INPP4B: variants seen among roughly 807,000 people sequenced by gnomAD.
INPP4B encodes inositol polyphosphate 4-phosphatase type II.
Under a neutral mutation model 122.5 loss-of-function variants are expected in INPP4B, and 55 were observed. The ratio of observed to expected loss-of-function variants is 0.45; its 90% CI spans 0.36 to 0.56. INPP4B has a LOEUF of 0.56. Among genes scored for constraint, INPP4B ranks in the 20% least tolerant of loss-of-function variants. The pLI, the probability that INPP4B is intolerant of heterozygous loss-of-function variation, is 0.00. For synonymous variants in INPP4B, 403 were observed against 388.7 expected, an observed-to-expected ratio of 1.04 and a Z score of -0.43; for missense variants, 1,000 against 1,097.7, an observed-to-expected ratio of 0.91 and a Z score of 1.26.
At chr4:142,485,779 A>G (rs1297490338) in intron 2 of INPP4B, among the ~76,000 whole-genome samples, 3 of 152,174 alleles carry the variant, frequency 2.0e-5, no homozygotes, top group Non-Finnish European at 4.4e-5. Context: ...ACTGGTAATT[A>G]CACGCATAAA....
intron 7 of INPP4B, among the ~76,000 whole-genome samples, chr4:142,348,982 T>C (rs76920280): frequency 6.6e-6 from 1 of 151,986 alleles, no homozygotes. Flanking sequence ...TTGGAGCAGA[T>C]GTTAGTTTTC....
chr4:142,099,361 C>T (rs763874141), intron 23 of INPP4B, among the ~76,000 whole-genome samples: 10 of 152,088 alleles, frequency 6.6e-5, no homozygotes, highest in Non-Finnish European at 1.0e-4. Context: ...TCAGCCATCT[C>T]GATGTTTCCA....
rs367861786 is a variant in INPP4B, at chr4:142,055,500, T to C, written c.2642+26531A>G. Among the ~76,000 whole-genome samples the C allele has an allele frequency of 1.2e-4, 19 of 152,210 alleles. 1 individual carries two copies. The South Asian group carries it at 3.9e-3, about 32-fold the overall frequency. The stretch of plus-strand genomic sequence containing the variant: ...CTGATTCTTATATGCACTTTAAAAT[T>C]AGATAACTTTCATTACATTCTTAAA... On this transcript the variant is annotated intron_variant, in intron 25 of 25. Coordinates refer to ENST00000262992, the MANE Select transcript of INPP4B (RefSeq NM_001101669.3).
At chr4:142,170,677 A>C (rs561236987) in intron 16 of INPP4B, among the ~76,000 whole-genome samples, 9 of 151,916 alleles carry the variant, frequency 5.9e-5, no homozygotes, top group African/African-American at 2.2e-4. Context: ...AGAGTATCTC[A>C]GAGTTATTAA....
At chr4:142,222,827 G>C (rs969480717) in intron 12 of INPP4B, among the ~76,000 whole-genome samples, 4 of 152,202 alleles carry the variant, frequency 2.6e-5, no homozygotes, top group African/African-American at 9.6e-5. Context: ...TAAGCCAGAG[G>C]ACACTAAAAT....
At chr4:142,066,785 G>C (rs1933072021) in intron 25 of INPP4B, among the ~76,000 whole-genome samples, 1 of 152,232 alleles carries the variant, frequency 6.6e-6, no homozygotes, top group South Asian at 2.1e-4. Flanking sequence ...AGGGGCATCT[G>C]CCATTGCCGA....
chr4:142,299,517 T>C (rs1390388387), intron 9 of INPP4B, among the ~76,000 whole-genome samples: 1 of 148,722 alleles, frequency 6.7e-6, no homozygotes, highest in African/African-American at 2.5e-5. Flanking sequence ...CTTATGAAGT[T>C]TTTAGTTTTT....
At chr4:142,633,737 A>G (rs1399140836) in intron 2 of INPP4B, among the ~76,000 whole-genome samples, 1 of 152,200 alleles carries the variant, frequency 6.6e-6, no homozygotes, top group African/African-American at 2.4e-5. Context: ...AACACATTAG[A>G]GAATATCAAA....
intron 14 of INPP4B, among the ~76,000 whole-genome samples, chr4:142,200,636 T>TA (rs1018522767): frequency 1.3e-5 from 2 of 151,968 alleles, no homozygotes; most frequent in African/African-American, 4.8e-5. Flanking sequence ...AAAAGTAAGT[T>TA]AAAAAATAAA....
chr4:142,691,749 T>G (rs1267842027), intron 2 of INPP4B, among the ~76,000 whole-genome samples: 1 of 152,118 alleles, frequency 6.6e-6, no homozygotes, highest in African/African-American at 2.4e-5. Flanking sequence ...GACCTTGGAC[T>G]GCAGGGTCCC....
chr4:142,064,604 T>G (rs138144459), intron 25 of INPP4B, among the ~76,000 whole-genome samples: 11 of 152,334 alleles, frequency 7.2e-5, no homozygotes, highest in Non-Finnish European at 1.3e-4. Context: ...TTCATTCTTG[T>G]GAAGTGGAAG....
At chr4:142,758,808 C>A (rs1770873414) in intron 1 of INPP4B, among the ~76,000 whole-genome samples, 1 of 151,974 alleles carries the variant, frequency 6.6e-6, no homozygotes, top group Non-Finnish European at 1.5e-5. Flanking sequence ...CAAACATTAG[C>A]CGGGTGTGGC....
chr4:142,155,218 C>T (rs336390), intron 17 of INPP4B, among the ~76,000 whole-genome samples: 151,089 of 152,168 alleles, frequency 0.99, 75,016 homozygotes, highest in East Asian at 1. Context: ...TGAGAATTAT[C>T]TATCTCCTTC....
At chr4:142,460,578 G>A (rs1356966533) in intron 3 of INPP4B, among the ~76,000 whole-genome samples, 2 of 151,648 alleles carry the variant, frequency 1.3e-5, no homozygotes, top group Non-Finnish European at 2.9e-5. Context: ...TAGATTCCAC[G>A]TTTGAGACAC....
rs189359842 is a variant in INPP4B at position 142,292,690 on chromosome 4, T to C, written c.503+12768A>G. Among the ~76,000 whole-genome samples the C allele has an allele frequency of 3.2e-3, 494 of 152,338 alleles. 2 individuals carry two copies. The highest frequency in any genetic ancestry group is 5.8e-3 in the Non-Finnish European group (395 of 68,030). On this transcript the variant is annotated intron_variant, in intron 9 of 25. Transcript: ENST00000262992. ...CAATGGATAGATGAGGATTAGACCA[T>C]GTTTATTATGATACCTTAAATTTGT...
At chr4:142,198,436 G>C (rs1391953351) in intron 14 of INPP4B, among the ~76,000 whole-genome samples, 1 of 151,146 alleles carries the variant, frequency 6.6e-6, no homozygotes, top group Non-Finnish European at 1.5e-5. Flanking sequence ...TTCTATTCTT[G>C]TTATAGTTTT....
At chr4:142,534,284 A>C (rs1218403703) in intron 2 of INPP4B, among the ~76,000 whole-genome samples, 2 of 152,118 alleles carry the variant, frequency 1.3e-5, no homozygotes, top group Non-Finnish European at 2.9e-5. Context: ...TGATGGTGAC[A>C]CCTTCAAAAT....
chr4:142,573,676 G>T (rs1733298842), intron 2 of INPP4B, among the ~76,000 whole-genome samples: 1 of 152,028 alleles, frequency 6.6e-6, no homozygotes. Context: ...GCAGTTGCGT[G>T]GTGGGAAATT....
chr4:142,057,771 T>C (rs563979026), intron 25 of INPP4B, among the ~76,000 whole-genome samples: 1 of 152,290 alleles, frequency 6.6e-6, no homozygotes, highest in East Asian at 1.9e-4. Context: ...CCTCTTTGTG[T>C]AGTGCCCATT....
Sources: gnomAD v4.1 joint callset for allele counts (sites outside exome capture counted in the v4.1 genomes callset) on GRCh38, gnomAD v4.1.1 for gene constraint, MANE v1.5 for transcripts, NCBI Gene and HGNC (gene_info 2026-07-23, HGNC 2026-07-21) for gene names.